Variants in GRID2 observed in about 807,000 individuals in gnomAD.
GRID2 encodes glutamate receptor ionotropic, delta-2.
GRID2 carries 33 observed loss-of-function variants against 114.8 expected under a neutral mutation model. The ratio of observed to expected loss-of-function variants is 0.29; its 90% CI spans 0.22 to 0.38. The LOEUF (loss-of-function observed/expected upper bound fraction) is 0.38, where lower values mean the gene tolerates loss of function less well. Ranked by LOEUF, GRID2 falls within the 10% of genes least tolerant of loss-of-function variation. The probability of loss-of-function intolerance (pLI) is 1.00; values close to 1 mark genes in which losing one functional copy is unlikely to be tolerated. For missense variants in GRID2, 1,184 were observed against 1,257.7 expected, an observed-to-expected ratio of 0.94 and a Z score of 0.89; for synonymous variants, 505 against 449.9, an observed-to-expected ratio of 1.12 and a Z score of -1.55.
chr4:92,541,377 CA>C (rs1479831526), intron 1 of GRID2, among the ~76,000 whole-genome samples: 3 of 150,832 alleles, frequency 2.0e-5, no homozygotes, highest in Non-Finnish European at 3.0e-5. Context: ...TCAAAGAAAT[CA>C]AAAAATGTTT....
chr4:92,426,544 G>A (rs1025897871), intron 1 of GRID2, among the ~76,000 whole-genome samples: 9 of 152,088 alleles, frequency 5.9e-5, no homozygotes, highest in African/African-American at 9.7e-5. Flanking sequence ...ACACAGAAAT[G>A]ATAGCTTCAT....
At chr4:92,911,043 A>G (rs1398643615) in intron 2 of GRID2, among the ~76,000 whole-genome samples, 1 of 152,094 alleles carries the variant, frequency 6.6e-6, no homozygotes, top group Non-Finnish European at 1.5e-5. Context: ...ATATCAGTAT[A>G]TAATAGGACA....
At chr4:92,602,636 A>T (rs1729269993) in intron 2 of GRID2, among the ~76,000 whole-genome samples, 2 of 152,188 alleles carry the variant, frequency 1.3e-5, no homozygotes, top group South Asian at 2.1e-4. Context: ...CAACTTGAAA[A>T]CTCGCACAAA....
chr4:92,840,684 T>A (rs558253701), intron 2 of GRID2, among the ~76,000 whole-genome samples: 1 of 152,052 alleles, frequency 6.6e-6, no homozygotes, highest in Admixed American at 6.6e-5. Context: ...TCATTGAGCA[T>A]ATATGTCCTT....
At chr4:92,839,434 A>G (rs1742720847) in intron 2 of GRID2, among the ~76,000 whole-genome samples, 3 of 109,062 alleles carry the variant, frequency 2.8e-5, no homozygotes, top group African/African-American at 3.5e-5. Flanking sequence ...CCACCACACA[A>G]CAGTCCCCAG....
intron 13 of GRID2, among the ~76,000 whole-genome samples, chr4:93,585,642 A>C (rs970253200): frequency 1.3e-4 from 20 of 152,134 alleles, no homozygotes; most frequent in African/African-American, 4.8e-4. Context: ...TTCTCCATAA[A>C]TTTGATGTTT....
chr4:93,540,327 C>T (rs1322958381), intron 13 of GRID2, among the ~76,000 whole-genome samples: 1 of 151,986 alleles, frequency 6.6e-6, no homozygotes, highest in Non-Finnish European at 1.5e-5. Context: ...CTTCTCCATG[C>T]ATCGTCTGTT....
chr4:92,382,343 A>G (rs1330585615), intron 1 of GRID2, among the ~76,000 whole-genome samples: 2 of 152,074 alleles, frequency 1.3e-5, no homozygotes, highest in East Asian at 3.9e-4. Flanking sequence ...GCAACAGCAG[A>G]GTTCAGTATG....
chr4:93,309,778 A>G (rs1755817791), intron 8 of GRID2, among the ~76,000 whole-genome samples: 1 of 152,160 alleles, frequency 6.6e-6, no homozygotes, highest in Non-Finnish European at 1.5e-5. Flanking sequence ...GATTCAATAA[A>G]CAATCTCCTT....
intron 4 of GRID2, among the ~76,000 whole-genome samples, chr4:93,124,403 A>T (rs957343436): frequency 6.6e-6 from 1 of 152,222 alleles, no homozygotes; most frequent in Non-Finnish European, 1.5e-5. Context: ...TTAGCAATTT[A>T]TATGCTGATT....
At chr4:93,234,261 A>C (rs1466752858) in intron 7 of GRID2, among the ~76,000 whole-genome samples, 1 of 152,136 alleles carries the variant, frequency 6.6e-6, no homozygotes, top group Non-Finnish European at 1.5e-5. Flanking sequence ...ATCATAAAGT[A>C]GGTAAACTGG....
In GRID2 at chr4:93,265,303, G is replaced by A. The variant is rs566465947; in HGVS notation, c.1245+26813G>A. Among the ~76,000 whole-genome samples, 4 of 152,204 alleles carry A rather than the reference G, an allele frequency of 2.6e-5. No individual in the cohort carries two copies. The South Asian group carries it at 8.3e-4, about 32-fold the overall frequency. On this transcript the variant is annotated intron_variant, in intron 8 of 15. Coordinates refer to ENST00000282020, the MANE Select transcript of GRID2 (RefSeq NM_001510.4). Reference sequence around the variant, plus strand: ...TTTATAACAATTGGAGGCAGGTGCTGTCTTTTACTTACAAGATTTAGGAAA... The same window carrying A: ...TTTATAACAATTGGAGGCAGGTGCTATCTTTTACTTACAAGATTTAGGAAA...
intron 2 of GRID2, among the ~76,000 whole-genome samples, chr4:93,001,203 A>T (rs1720942515): frequency 6.6e-6 from 1 of 151,690 alleles, no homozygotes; most frequent in Non-Finnish European, 1.5e-5. Flanking sequence ...TAATATTTAC[A>T]TATCATGAAA....
At chr4:93,023,314 T>A (rs886414974) in intron 2 of GRID2, among the ~76,000 whole-genome samples, 6 of 151,736 alleles carry the variant, frequency 4.0e-5, no homozygotes. Flanking sequence ...AGAAAAAAAA[T>A]CTGTAGTGAA....
chr4:93,301,664 T>A (rs1016723641), intron 8 of GRID2, among the ~76,000 whole-genome samples: 8 of 152,180 alleles, frequency 5.3e-5, no homozygotes, highest in Non-Finnish European at 7.4e-5. Flanking sequence ...ACCACACAAG[T>A]TATTTTTATG....
Position 92,703,270 on chromosome 4 carries a change from C to T in GRID2, c.244+112984C>T, listed in dbSNP as rs557049220. On this transcript the variant is annotated intron_variant, in intron 2 of 15. Transcript: ENST00000282020. ...CAGTGCCTGTGACAATGACATGGAG[C>T]CTGCCCCTGCAAATCAAGGCCCAGA... Among the ~76,000 whole-genome samples the T allele has an allele frequency of 4.1e-4, 63 of 152,126 alleles. No homozygotes were observed. The South Asian group carries it at 0.013, about 32-fold the overall frequency.
chr4:92,722,615 A>G (rs1735864183), intron 2 of GRID2, among the ~76,000 whole-genome samples: 1 of 152,112 alleles, frequency 6.6e-6, no homozygotes, highest in African/African-American at 2.4e-5. Flanking sequence ...TCAATTTAGT[A>G]TACCAGAGAC....
intron 2 of GRID2, among the ~76,000 whole-genome samples, chr4:92,682,524 A>C (rs1733698390): frequency 6.6e-6 from 1 of 152,232 alleles, no homozygotes; most frequent in Non-Finnish European, 1.5e-5. Flanking sequence ...TTGTGATTAC[A>C]CATGAGTATA....
intron 1 of GRID2, among the ~76,000 whole-genome samples, chr4:92,379,303 C>T (rs1729505063): frequency 6.6e-6 from 1 of 151,786 alleles, no homozygotes; most frequent in Non-Finnish European, 1.5e-5. Context: ...AAGATGATGT[C>T]AATAGCTGTT....
Sources: allele counts gnomAD v4.1 joint callset (sites outside exome capture counted in the v4.1 genomes callset), GRCh38; gene constraint gnomAD v4.1.1; transcripts MANE v1.5; gene names NCBI Gene and HGNC (gene_info 2026-07-23, HGNC 2026-07-21).